The following PEX16 variants were observed in gnomAD, a reference collection of about 807,000 sequenced individuals.
The protein encoded by PEX16 is peroxin 16.
Under a neutral mutation model 50.5 loss-of-function variants are expected in PEX16, and 37 were observed. The ratio of observed to expected loss-of-function variants is 0.73; its 90% confidence interval spans 0.56 to 0.96. The LOEUF (loss-of-function observed/expected upper bound fraction) is 0.96. Among genes scored for constraint, PEX16 ranks in the 40% least tolerant of loss-of-function variants. The pLI is 0.00. For missense variants in PEX16, 401 were observed against 438.3 expected, an observed-to-expected ratio of 0.91 and a Z score of 0.76; for synonymous variants, 185 against 190.3, an observed-to-expected ratio of 0.97 and a Z score of 0.23.
In PEX16 at chr11:45,915,819, C is replaced by T; in HGVS notation, c.243G>A (p.Lys81=). ...KKLPVSLSQQ[K]LLTWLSVLEC... ...CCAGCACGCTCAGCCATGTCAGCAGCTTCTGCTGGGACAGCGACTGCAAGA... is the reference window on the plus strand; with the variant it reads ...CCAGCACGCTCAGCCATGTCAGCAGTTTCTGCTGGGACAGCGACTGCAAGA... Residue 81 remains lysine (K), a synonymous_variant, in exon 4 of 11, where the codon AAG becomes AAA. Coordinates refer to ENST00000378750, the MANE Select transcript of PEX16 (RefSeq NM_004813.4). 1 of 1,613,794 alleles carries T rather than the reference C, an allele frequency of 6.2e-7. No individual in the cohort carries two copies. Among genetic ancestry groups the T allele is most frequent in the Non-Finnish European group, 8.5e-7 (1 of 1,179,930 alleles).
At chr11:45,910,838 A>T (rs1180081771) in intron 10 of PEX16, 60 bp downstream of exon 10, 1 of 1,336,820 alleles carries the variant, frequency 7.5e-7, no homozygotes, top group African/African-American at 1.4e-5. Flanking sequence ...GGAGTCAGGG[A>T]GGTGCTTGCA....
chr11:45,916,862 G>A (rs535969172), intron 2 of PEX16: 2 of 371,520 alleles, frequency 5.4e-6, no homozygotes, highest in South Asian at 2.0e-5. Flanking sequence ...TAGAGATGGG[G>A]TTTCACCATG....
At chr11:45,915,361 C>T in intron 5 of PEX16, 107 bp downstream of exon 5, 2 of 799,028 alleles carry the variant, frequency 2.5e-6, no homozygotes, top group Non-Finnish European at 4.4e-6. Context: ...TTGATAGGGA[C>T]AGGCGTGCTC....
At chr11:45,916,410 CCA>C (rs1466259844) in intron 2 of PEX16, 107 bp from the exon 3 acceptor site, 3 of 853,672 alleles carry the variant, frequency 3.5e-6, no homozygotes, top group Non-Finnish European at 5.9e-6. Context: ...GCTCAGACAC[CCA>C]CAGACTATGT....
intron 9 of PEX16, 88 bp downstream of exon 9, chr11:45,913,731 G>A (rs2086800960): frequency 8.2e-6 from 12 of 1,464,818 alleles, no homozygotes; most frequent in South Asian, 3.4e-5. Context: ...TGGATGAGGC[G>A]TGGGGAAGGG....
At chr11:45,918,006 G>T, upstream of PEX16, 1 of 647,976 alleles carries the variant, frequency 1.5e-6, no homozygotes, top group Non-Finnish European at 2.8e-6. Flanking sequence ...TCCCACTCGG[G>T]TAGCCCTTAG....
chr11:45,915,816 CA>C lies in PEX16; in HGVS notation c.245del (p.Leu82ArgfsTer2), dbSNP rs1198655415. The C allele has an allele frequency of 1.2e-6, 2 of 1,613,902 alleles. No homozygotes were observed. The highest frequency in any genetic ancestry group is 3.3e-5 in the Admixed American group (2 of 60,022). On this transcript the variant is annotated frameshift_variant, in exon 4 of 11. Coordinates refer to ENST00000378750, the MANE Select transcript of PEX16 (RefSeq NM_004813.4). LOFTEE classifies it high-confidence loss of function. The stretch of plus-strand genomic sequence containing the variant: ...ACTCCAGCACGCTCAGCCATGTCAG[CA>C]GCTTCTGCTGGGACAGCGACTGCAA... Reference protein sequence around the residue: ...KLPVSLSQQKLLTWLSVLECV... With the variant: ...KLPVSLSQQKXLTWLSVLECV...
At chr11:45,912,116 G>A (rs1477629678) in intron 9 of PEX16, 1 of 152,294 alleles carries the variant, frequency 6.6e-6, no homozygotes, top group Non-Finnish European at 1.5e-5. Flanking sequence ...GCGGGCCTTT[G>A]TTTCCCTAAA....
In PEX16 at chr11:45,917,708, A is replaced by C; in HGVS notation, c.104T>G (p.Leu35Arg). 6.4e-7 allele frequency: 1 copy of C among 1,558,292 alleles called. No individual in the cohort carries two copies. Among genetic ancestry groups the C allele is most frequent in the Non-Finnish European group, 8.7e-7 (1 of 1,150,694 alleles). Residue 35 changes from leucine (L) to arginine (R), a missense_variant, in exon 1 of 11, where the codon CTG becomes CGG. Leu to Arg is a moderately radical substitution (Grantham distance 102). Coordinates refer to ENST00000378750, the MANE Select transcript of PEX16 (RefSeq NM_004813.4). ...LETAVRGFSYLLAGRFADSHE... is the reference protein window; with the variant it reads ...LETAVRGFSYRLAGRFADSHE... ...AAAGGTCAGGGTGGCACCTGCCAGCAGGTAACTGAAGCCCCGCACTGCTGT... is the reference window on the plus strand; with the variant it reads ...AAAGGTCAGGGTGGCACCTGCCAGCCGGTAACTGAAGCCCCGCACTGCTGT...
chr11:45,915,883 G>C, intron 3 of PEX16, 47 bp from the exon 4 acceptor site: 1 of 1,574,608 alleles, frequency 6.4e-7, no homozygotes, highest in Non-Finnish European at 8.7e-7. Context: ...GGACTACAGG[G>C]AGTCCCAGGC....
intron 5 of PEX16, 137 bp downstream of exon 5, chr11:45,915,331 A>G (rs2086822397): frequency 1.5e-6 from 1 of 673,276 alleles, no homozygotes; most frequent in Non-Finnish European, 2.7e-6. Flanking sequence ...TGTCGAATAC[A>G]TGGCAATGAG....
intron 9 of PEX16, 70 bp downstream of exon 9, chr11:45,913,749 C>A (rs1244383378): frequency 5.7e-6 from 9 of 1,582,994 alleles, no homozygotes; most frequent in Non-Finnish European, 7.8e-6. Context: ...GGGAAGGCGC[C>A]AGCAGGGACC....
chr11:45,916,364 TC>T, intron 2 of PEX16, 61 bp from the exon 3 acceptor site: 1 of 1,291,826 alleles, frequency 7.7e-7, no homozygotes, highest in Non-Finnish European at 1.1e-6. Flanking sequence ...TCTCACCTTC[TC>T]CCCAGAGCTG....
Position 45,915,452 on chromosome 11 carries a change from T to G in PEX16, c.460+16A>C. On this transcript the variant is annotated intron_variant, in intron 5 of 10. Coordinates refer to ENST00000378750, the MANE Select transcript of PEX16 (RefSeq NM_004813.4). Reference sequence around the variant, plus strand: ...CCATGGCCCATTCCGCTCCAGGGCTTGGGGAAGTAGCTCACCCGGGGGCTG... The same window carrying G: ...CCATGGCCCATTCCGCTCCAGGGCTGGGGGAAGTAGCTCACCCGGGGGCTG... 1.0e-5 allele frequency: 16 copies of G among 1,606,412 alleles called. No individual in the cohort carries two copies. Among genetic ancestry groups the G allele is most frequent in the East Asian group, 2.2e-5 (1 of 44,846 alleles).
At position 45,914,472 on chromosome 11, in the gene PEX16, G is replaced by C. The variant is rs755666423; in HGVS notation, c.542-4C>G. On this transcript the variant is annotated splice_region_variant and splice_polypyrimidine_tract_variant and intron_variant, in intron 6 of 10. Coordinates refer to ENST00000378750, the MANE Select transcript of PEX16 (RefSeq NM_004813.4). ...TGCCTGGAGTGCAGGGACGGCGCTA[G>C]AACACAAGGGCGGCAGATGAGCGAG... The C allele has an allele frequency of 3.5e-5, 56 of 1,608,150 alleles. No individual in the cohort carries two copies. Among genetic ancestry groups the C allele is most frequent in the Non-Finnish European group, 2.5e-6 (3 of 1,179,888 alleles).
rs79956086 is a variant in PEX16 at position 45,913,215 on chromosome 11, C to G, written c.887+604G>C. Among the ~76,000 whole-genome samples, 888 of 152,182 alleles carry G rather than the reference C, an allele frequency of 5.8e-3. 11 individuals carry two copies. The highest frequency in any genetic ancestry group is 0.02 in the African/African-American group (836 of 41,482). ...CAGTCCCAGCCACTGCACAGGGTTT[C>G]CCCCTGTCAGACTGTGGTCTAACCT... On this transcript the variant is annotated intron_variant, in intron 9 of 10. Coordinates refer to ENST00000378750, the MANE Select transcript of PEX16 (RefSeq NM_004813.4).
chr11:45,916,138 T>C, intron 3 of PEX16, 89 bp downstream of exon 3: 1 of 971,814 alleles, frequency 1.0e-6, no homozygotes, highest in Non-Finnish European at 1.7e-6. Context: ...TCATACTCCA[T>C]GAGACATGTG....
At chr11:45,912,998 A>ATTT (rs5791710) in intron 9 of PEX16, among the ~76,000 whole-genome samples, 3 of 149,284 alleles carry the variant, frequency 2.0e-5, no homozygotes, top group African/African-American at 7.5e-5. Context: ...AATTATTATT[A>ATTT]TTTTTTTTTT....
upstream of PEX16, chr11:45,917,913 T>G: frequency 1.2e-6 from 1 of 864,664 alleles, no homozygotes; most frequent in Non-Finnish European, 1.9e-6. Context: ...GGCCCGCCTC[T>G]TGGTTGCTTA....
Sources: allele counts gnomAD v4.1 joint callset (sites outside exome capture counted in the v4.1 genomes callset), GRCh38; gene constraint gnomAD v4.1.1; transcripts MANE v1.5; gene names NCBI Gene and HGNC (gene_info 2026-07-23, HGNC 2026-07-21).